The following ACTR3C variants were observed in gnomAD, a reference collection of about 807,000 sequenced individuals.
ACTR3C encodes the protein actin-related protein 3C.
ACTR3C carries 18 observed loss-of-function variants against 26.3 expected under a neutral mutation model. That is an observed-to-expected ratio of 0.68 (90% CI 0.47 to 1.01). ACTR3C has a LOEUF of 1.01. Among genes scored for constraint, ACTR3C ranks in the 50% least tolerant of loss-of-function variants. The pLI is 0.00. For synonymous variants in ACTR3C, 55 were observed against 94.5 expected, an observed-to-expected ratio of 0.58 and a Z score of 2.42; for missense variants, 184 against 250.7, an observed-to-expected ratio of 0.73 and a Z score of 1.80.
In ACTR3C at chr7:150,286,442, C is replaced by T. The variant is rs761967087; in HGVS notation, c.396G>A (p.Ala132=). The change falls in exon 5 of 8, where the codon GCG becomes GCA. Residue 132 remains alanine (A), a synonymous_variant. Coordinates refer to ENST00000683684, the MANE Select transcript of ACTR3C (RefSeq NM_001164458.2). ...KWIKQYTGIN[A]INQKKFVIDV... ...CTATAACAAACTTCTTCTGGTTGAT[C>T]GCATTGATACCCGTGTACTGTTTGA... The T allele has an allele frequency of 4.3e-6, 7 of 1,613,326 alleles. No homozygotes were observed. Among genetic ancestry groups the T allele is most frequent in the Middle Eastern group, 1.7e-4 (1 of 6,060 alleles).
the ACTR3C span, among the ~76,000 whole-genome samples, chr7:149,951,432 C>T: frequency 2.7e-5 from 4 of 147,856 alleles, 1 homozygote; most frequent in African/African-American, 1.1e-4. Context: ...AAGAGTTTGG[C>T]TGGGCTATAT....
chr7:150,228,094 A>T, the ACTR3C span, among the ~76,000 whole-genome samples: 2 of 152,180 alleles, frequency 1.3e-5, no homozygotes, highest in African/African-American at 2.4e-5. Context: ...AAAGTCTGGG[A>T]TAATTGACAT....
chr7:150,263,324 T>G (rs1178216011), intron 6 of ACTR3C, among the ~76,000 whole-genome samples: 1 of 152,282 alleles, frequency 6.6e-6, no homozygotes, highest in African/African-American at 2.4e-5. Context: ...AGAATCCATC[T>G]GTCTGTCTAT....
the ACTR3C span, among the ~76,000 whole-genome samples, chr7:149,967,027 A>AGTTTTT: frequency 8.3e-5 from 2 of 23,982 alleles, no homozygotes; most frequent in Admixed American, 5.6e-4. Flanking sequence ...ATGCACAGCT[A>AGTTTTT]ATTTTTTTTT....
At chr7:149,962,389 C>T in the ACTR3C span, among the ~76,000 whole-genome samples, 1 of 152,176 alleles carries the variant, frequency 6.6e-6, no homozygotes, top group East Asian at 1.9e-4. Context: ...TAGATCCACA[C>T]ACCATTTGGA....
At chr7:149,927,521 G>T in the ACTR3C span, among the ~76,000 whole-genome samples, 1 of 151,918 alleles carries the variant, frequency 6.6e-6, no homozygotes, top group Non-Finnish European at 1.5e-5. Context: ...CTGAGGTCAG[G>T]AGTTCAAGAC....
At chr7:150,236,573 G>T in the ACTR3C span, among the ~76,000 whole-genome samples, 1 of 152,150 alleles carries the variant, frequency 6.6e-6, no homozygotes, top group South Asian at 2.1e-4. Context: ...AGTTGAACTT[G>T]GAATTTTGGT....
chr7:150,133,478 A>G, the ACTR3C span, among the ~76,000 whole-genome samples: 2 of 152,150 alleles, frequency 1.3e-5, no homozygotes, highest in African/African-American at 4.8e-5. Context: ...CTGCAAGGCC[A>G]TCTCCTTCAG....
At chr7:149,928,386 T>C in the ACTR3C span, among the ~76,000 whole-genome samples, 222 of 143,976 alleles carry the variant, frequency 1.5e-3, no homozygotes, top group African/African-American at 5.3e-3. Flanking sequence ...TATTTCTTTT[T>C]TTTTTTTTTT....
At chr7:150,185,274 G>GGTGT in the ACTR3C span, among the ~76,000 whole-genome samples, 581 of 124,246 alleles carry the variant, frequency 4.7e-3, 5 homozygotes, top group African/African-American at 0.016. Flanking sequence ...TTAAATGTCA[G>GGTGT]GCGTGTGTGT....
At chr7:149,972,884 G>A in the ACTR3C span, among the ~76,000 whole-genome samples, 14 of 152,020 alleles carry the variant, frequency 9.2e-5, no homozygotes, top group East Asian at 9.7e-4. Context: ...GGTAAGCCCC[G>A]TGCGTGGGCG....
the ACTR3C span, among the ~76,000 whole-genome samples, chr7:150,045,628 A>T: frequency 6.6e-6 from 1 of 151,412 alleles, no homozygotes; most frequent in African/African-American, 2.4e-5. Context: ...GAACCCCATT[A>T]AAAAATGTAC....
the ACTR3C span, among the ~76,000 whole-genome samples, chr7:149,942,752 A>C: frequency 6.7e-6 from 1 of 149,396 alleles, no homozygotes; most frequent in Non-Finnish European, 1.5e-5. Context: ...GTTCCCCTAG[A>C]CCTTTTCTTC....
the ACTR3C span, among the ~76,000 whole-genome samples, chr7:149,962,392 C>G: frequency 6.6e-6 from 1 of 152,156 alleles, no homozygotes; most frequent in Non-Finnish European, 1.5e-5. Flanking sequence ...ATCCACACAC[C>G]ATTTGGATCT....
At chr7:150,190,167 T>C in the ACTR3C span, among the ~76,000 whole-genome samples, 93 of 152,350 alleles carry the variant, frequency 6.1e-4, 1 homozygote, top group Non-Finnish European at 1.1e-3. Context: ...ACTAATGATA[T>C]TGAGAATCTT....
the ACTR3C span, among the ~76,000 whole-genome samples, chr7:150,023,177 A>C: frequency 1.4e-5 from 2 of 147,038 alleles, no homozygotes; most frequent in African/African-American, 2.5e-5. Flanking sequence ...AGATATATAG[A>C]TATCTCTCTA....
At chr7:150,256,950 C>T (rs1317230778) in intron 6 of ACTR3C, among the ~76,000 whole-genome samples, 3 of 151,964 alleles carry the variant, frequency 2.0e-5, no homozygotes, top group Non-Finnish European at 2.9e-5. Flanking sequence ...TAAACTCAAA[C>T]CATATGGAGT....
the ACTR3C span, among the ~76,000 whole-genome samples, chr7:150,035,206 G>T: frequency 3.1e-5 from 4 of 127,832 alleles, no homozygotes; most frequent in South Asian, 2.4e-4. Context: ...CCTCACGGGG[G>T]GTGCCTCCCA....
At chr7:150,244,094 A>G (rs1055056439), downstream of ACTR3C, 1 of 148,866 alleles carries the variant, frequency 6.7e-6, no homozygotes, top group South Asian at 2.2e-4. Context: ...TGAATATTCA[A>G]TATAGTCTTA....
Sources: allele counts gnomAD v4.1 joint callset (sites outside exome capture counted in the v4.1 genomes callset), GRCh38; gene constraint gnomAD v4.1.1; transcripts MANE v1.5; gene names NCBI Gene and HGNC (gene_info 2026-07-23, HGNC 2026-07-21).